TTN: variants seen among roughly 807,000 people sequenced by gnomAD.
The protein encoded by TTN is connectin.
A neutral mutation model predicts 3,223.0 loss-of-function variants in TTN; 1,525 were observed. The observed-to-expected ratio is 0.47, with a 90% CI of 0.45 to 0.49. TTN has a LOEUF of 0.49. Ranked by LOEUF, TTN falls within the 20% of genes least tolerant of loss-of-function variation. The pLI, the probability that TTN is intolerant of heterozygous loss-of-function variation, is 0.00. For synonymous variants in TTN, 14,094 were observed against 15,161.0 expected (o/e 0.93, Z 5.17); for missense variants, 40,786 against 43,424.0 (o/e 0.94, Z 5.40).
At chr2:178,624,397 G>C (rs1185915524) in intron 242 of TTN, 68 bp downstream of exon 242, 7 of 1,594,916 alleles carry the variant, frequency 4.4e-6, no homozygotes, top group Non-Finnish European at 6.0e-6. Context: ...AAAAAGTGTT[G>C]TGTTGTTTTG....
rs1177266934 is a variant in TTN, at chr2:178,546,995, A to T, written c.94522+8T>A. 1.9e-6 allele frequency: 3 copies of T among 1,605,230 alleles called. No individual in the cohort carries two copies. Among genetic ancestry groups the T allele is most frequent in the Non-Finnish European group, 2.6e-6 (3 of 1,174,238 alleles). ...TAAACAAATATGCCCTTAAATTGTG[A>T]TACATACCAACTGGATTTTGAGCCA... is the stretch of plus-strand genomic sequence containing the variant. On this transcript the variant is annotated splice_region_variant and intron_variant, in intron 340 of 362. Transcript: ENST00000589042.
Position 178,545,355 on chromosome 2 carries a change from G to A in TTN, c.95722+33C>T, listed in dbSNP as rs548889686. 234 of 1,509,444 alleles carry A rather than the reference G, an allele frequency of 1.6e-4. 1 individual carries two copies. In the East Asian group the frequency reaches 4.5e-3, roughly 29 times the overall value. The allele number at this position is 1,509,444 out of a possible 1,614,324, so 93.5% of individuals were successfully genotyped here. A position where few individuals can be genotyped will look rare whatever the true frequency, so the allele number is the denominator to read the frequency against. ...ATTATCTGTCATATAGTTTTGAGGA[G>A]CATTGTATTTATGTATGATTCTTGG... On this transcript the variant is annotated intron_variant, in intron 344 of 362. Coordinates refer to ENST00000589042, the MANE Select transcript of TTN (RefSeq NM_001267550.2).
rs371318311 is a variant in TTN at position 178,678,505 on chromosome 2, G to A, written c.33827-8C>T. 136 of 1,557,040 alleles carry A rather than the reference G, an allele frequency of 8.7e-5. No homozygotes were observed. In the African/African-American group the frequency reaches 1.5e-3, roughly 17 times the overall value. ...TCTTGGGTACCTCTGGCACTTTAAC[G>A]AAATGATTTAGAGAAAAATTTTATA... On this transcript the variant is annotated splice_polypyrimidine_tract_variant and splice_region_variant and intron_variant, in intron 143 of 362. Transcript: ENST00000589042.
At position 178,539,692 on chromosome 2, in the gene TTN, C is replaced by T. The variant is rs769038928; in HGVS notation, c.98373G>A (p.Arg32791=). The change falls in exon 352 of 363, where the codon AGG becomes AGA. Residue 32791 remains arginine, a synonymous_variant. Coordinates refer to ENST00000589042, the MANE Select transcript of TTN (RefSeq NM_001267550.2). ...CGKKAVYIKV[R]VIGSPNSPEG... ...CTGGACTGTTGGGACTTCCTATCAC[C>T]CTGACCTTGATGTAGACAGCCTTCT... The T allele has an allele frequency of 1.2e-6, 2 of 1,613,728 alleles. No homozygotes were observed. Among genetic ancestry groups the T allele is most frequent in the South Asian group, 1.1e-5 (1 of 91,078 alleles).
Position 178,531,953 on chromosome 2 carries a change from T to C in TTN, c.104662A>G (p.Ser34888Gly). Residue 34888 changes from serine (S) to glycine (G), a missense_variant, in exon 358 of 363, where the codon AGC (serine) becomes GGC (glycine). Transcript: ENST00000589042. ...AGTGATCTCTCACTAGACACAGGGC[T>C]GGGGGATCGTGGGCGAGTTCTCTCT... is the stretch of plus-strand genomic sequence containing the variant. Reference protein sequence around the residue: ...TPERTRPRSPSPVSSERSLSR... With the variant: ...TPERTRPRSPGPVSSERSLSR... The C allele has an allele frequency of 6.2e-7, 1 of 1,613,576 alleles. No homozygotes were observed. The highest frequency in any genetic ancestry group is 8.5e-7 in the Non-Finnish European group (1 of 1,179,760).
Position 178,711,926 on chromosome 2 carries a change from T to TAAAA in TTN, c.27886+14_27886+17dup. On this transcript the variant is annotated intron_variant, in intron 96 of 362. Coordinates refer to ENST00000589042, the MANE Select transcript of TTN (RefSeq NM_001267550.2). Reference sequence around the variant, plus strand: ...AAAAGAAACACAAATTCGTTCACTTTAAAAATATTGCAATCACCTTGAACG... The same window carrying TAAAA: ...AAAAGAAACACAAATTCGTTCACTTTAAAAAAAAATATTGCAATCACCTTGAACG... The TAAAA allele has an allele frequency of 6.5e-7, 1 of 1,547,240 alleles. No individual in the cohort carries two copies. The highest frequency in any genetic ancestry group is 8.7e-7 in the Non-Finnish European group (1 of 1,148,008).
chr2:178,559,314 T>C lies in TTN; in HGVS notation c.86818A>G (p.Thr28940Ala), dbSNP rs748476449. ...PAETKEGVKI[T>A]EKPSPPEKLG... ...TTTCCTTATTCTTAAAACATACCTG[T>C]TATTTTTACTCCTTCCTTTGTTTCA... is the stretch of plus-strand genomic sequence containing the variant. Residue 28940 changes from threonine (T) to alanine (A), a missense_variant, in exon 326 of 363, where the codon ACA becomes GCA. Transcript: ENST00000589042. 9 of 1,585,384 alleles carry C rather than the reference T, an allele frequency of 5.7e-6. No individual in the cohort carries two copies. In the African/African-American group the frequency reaches 1.2e-4, roughly 22 times the overall value.
chr2:178,622,780 G>C lies in TTN; in HGVS notation c.44816-13C>G, dbSNP rs1263771384. The C allele has an allele frequency of 1.9e-6, 3 of 1,575,932 alleles. No homozygotes were observed. The highest frequency in any genetic ancestry group is 2.6e-6 in the Non-Finnish European group (3 of 1,155,046). Reference sequence around the variant, plus strand: ...TCCACATGAGGAGCTGTAAGAGAATGTCATCAGAATTCAAAATGAGGTTTC... The same window carrying C: ...TCCACATGAGGAGCTGTAAGAGAATCTCATCAGAATTCAAAATGAGGTTTC... On this transcript the variant is annotated splice_polypyrimidine_tract_variant and intron_variant, in intron 242 of 362. Transcript: ENST00000589042.
In TTN at chr2:178,610,329, A is replaced by G; in HGVS notation, c.51197T>C (p.Leu17066Ser). The G allele has an allele frequency of 6.2e-7, 1 of 1,612,850 alleles. No homozygotes were observed. ...ATCAAATTCTGGAGGTTCCCAAGTT[A>G]ACTTACAAGAACTCTTGGTAATGTC... Reference protein sequence around the residue: ...ASDITKSSCKLTWEPPEFDGG... With the variant: ...ASDITKSSCKSTWEPPEFDGG... Residue 17066 changes from leucine (L) to serine (S), a missense_variant, in exon 271 of 363, where the codon TTA becomes TCA. Coordinates refer to ENST00000589042, the MANE Select transcript of TTN (RefSeq NM_001267550.2).
At chr2:178,727,472 T>C in intron 68 of TTN, 101 bp from the exon 69 acceptor site, 1 of 1,503,364 alleles carries the variant, frequency 6.7e-7, no homozygotes, top group Non-Finnish European at 8.9e-7. Flanking sequence ...GCAAATACTG[T>C]TTACTATGTT....
At chr2:178,545,780 C>T (rs1696800367) in intron 343 of TTN, 40 bp downstream of exon 343, 2 of 1,601,880 alleles carry the variant, frequency 1.2e-6, no homozygotes, top group Non-Finnish European at 1.7e-6. Context: ...GATTCTATTA[C>T]ATTTCAACTG....
chr2:178,569,200 T>C lies in TTN; in HGVS notation c.76932A>G (p.Thr25644=), dbSNP rs2154167606. The C allele has an allele frequency of 1.9e-6, 3 of 1,610,038 alleles. No homozygotes were observed. Among genetic ancestry groups the C allele is most frequent in the Non-Finnish European group, 2.5e-6 (3 of 1,178,082 alleles). The change falls in exon 326 of 363, where the codon ACA becomes ACG. Residue 25644 remains threonine, a synonymous_variant. Transcript: ENST00000589042. ...KNYIVEKREA[T]RKSYAAVVTN... ...TTACAACAGCAGCATATGATTTTCT[T>C]GTGGCTTCACGTTTCTCAACAATGT... is the stretch of plus-strand genomic sequence containing the variant.
chr2:178,676,913 A>G (rs1160933809), intron 147 of TTN, among the ~76,000 whole-genome samples: 1 of 151,684 alleles, frequency 6.6e-6, no homozygotes, highest in African/African-American at 2.4e-5. Context: ...ACTTATTCAT[A>G]TATATTTAAA....
At position 178,675,976 on chromosome 2, in the gene TTN, TTTC is replaced by T; in HGVS notation, c.34395_34397del (p.Lys11466del). On this transcript the variant is annotated inframe_deletion, in exon 148 of 363. Coordinates refer to ENST00000589042, the MANE Select transcript of TTN (RefSeq NM_001267550.2). ...GAATGACCACTTTCTTCTCTGTCAC[TTTC>T]TTCTTAATTTCAGGCACTTTAAAGA... The T allele has an allele frequency of 6.2e-7, 1 of 1,604,078 alleles. No individual in the cohort carries two copies. The highest frequency in any genetic ancestry group is 8.5e-7 in the Non-Finnish European group (1 of 1,174,416).
In TTN at chr2:178,684,001, T is replaced by G; in HGVS notation, c.32804A>C (p.Lys10935Thr). The G allele has an allele frequency of 1.9e-6, 3 of 1,601,890 alleles. No individual in the cohort carries two copies. In the South Asian group the frequency reaches 3.4e-5, roughly 18 times the overall value. The change falls in exon 133 of 363, where the codon AAA (lysine) becomes ACA (threonine). Residue 10935 changes from lysine (K) to threonine (T), a missense_variant and splice_region_variant. By Grantham distance (78) the Lys-to-Thr change is moderately conservative. Coordinates refer to ENST00000589042, the MANE Select transcript of TTN (RefSeq NM_001267550.2). ...KPKREEEPPA[K>T]VTEFRKRVVK... ...TTTTTTTTTAAGAGTCAGTATACCT[T>G]TAGCTGGTGGTTCCTCCTCTCTTTT...
In TTN at chr2:178,570,184, C is replaced by A; in HGVS notation, c.75948G>T (p.Val25316=). 2 of 1,613,486 alleles carry A rather than the reference C, an allele frequency of 1.2e-6. No homozygotes were observed. The highest frequency in any genetic ancestry group is 1.1e-5 in the South Asian group (1 of 91,048). The part of the protein sequence containing the change: ...DAPKAPEVTT[V]TKDSMIVVWE... ...ATACAACAATCATTGAGTCCTTGGT[C>A]ACTGTTGTGACTTCTGGAGCTTTTG... Residue 25316 remains valine, a synonymous_variant, in exon 326 of 363, where the codon GTG becomes GTT. Transcript: ENST00000589042.
At chr2:178,724,625 G>T in intron 71 of TTN, 87 bp from the exon 72 acceptor site, 1 of 1,375,140 alleles carries the variant, frequency 7.3e-7, no homozygotes, top group Non-Finnish European at 9.5e-7. Flanking sequence ...GTTTCTCCCA[G>T]TGAGATGGTT....
intron 47 of TTN, chr2:178,745,411 C>T: frequency 7.0e-7 from 1 of 1,435,664 alleles, no homozygotes; most frequent in Non-Finnish European, 9.1e-7. Flanking sequence ...AAAATATTTA[C>T]ATGTATTACA....
rs772552324 is a variant in TTN at position 178,629,352 on chromosome 2, A to T, written c.44373T>A (p.Asp14791Glu). The T allele has an allele frequency of 6.2e-7, 1 of 1,612,938 alleles. No homozygotes were observed. The highest frequency in any genetic ancestry group is 1.1e-5 in the South Asian group (1 of 91,058). Residue 14791 changes from aspartate (D) to glutamate (E), a missense_variant, in exon 240 of 363, where the codon GAT (aspartate) becomes GAA (glutamate). Coordinates refer to ENST00000589042, the MANE Select transcript of TTN (RefSeq NM_001267550.2). ...CTTTGAGATACCATTCCACTGGGATATCTTCGTAGGAGAGCTCGCAGTCGA... is the reference window on the plus strand; with the variant it reads ...CTTTGAGATACCATTCCACTGGGATTTCTTCGTAGGAGAGCTCGCAGTCGA... ...ATFDCELSYEDIPVEWYLKGK... is the reference protein window; with the variant it reads ...ATFDCELSYEEIPVEWYLKGK...
Sources: gnomAD v4.1 joint callset for allele counts (sites outside exome capture counted in the v4.1 genomes callset) on GRCh38, gnomAD v4.1.1 for gene constraint, MANE v1.5 for transcripts, NCBI Gene and HGNC (gene_info 2026-07-23, HGNC 2026-07-21) for gene names.